The following ANO3 variants were observed in gnomAD, a reference collection of about 807,000 sequenced individuals.
The protein encoded by ANO3 is anoctamin 3, also known as anoctamin-3.
A neutral mutation model predicts 144.8 loss-of-function variants in ANO3; 99 were observed. That is an observed-to-expected ratio of 0.68 (90% CI 0.58 to 0.81). ANO3 has a LOEUF of 0.81. Among genes scored for constraint, ANO3 ranks in the 30% least tolerant of loss-of-function variants. The pLI is 0.00. For missense variants in ANO3, 905 were observed against 1,202.2 expected (o/e 0.75, Z 3.66); for synonymous variants, 414 against 392.6 (o/e 1.05, Z -0.64).
intron 4 of ANO3, among the ~76,000 whole-genome samples, chr11:26,493,550 A>G (rs939216491): frequency 6.6e-6 from 1 of 152,208 alleles, no homozygotes; most frequent in Non-Finnish European, 1.5e-5. Flanking sequence ...TTTCTGAACT[A>G]ATGCCCTAAC....
intron 1 of ANO3, among the ~76,000 whole-genome samples, chr11:26,350,072 G>A (rs766297339): frequency 1.4e-4 from 22 of 152,072 alleles, no homozygotes; most frequent in Non-Finnish European, 2.6e-4. Flanking sequence ...GGAGGAGACA[G>A]GAACGGAAGG....
At position 26,598,882 on chromosome 11, in the gene ANO3, G is replaced by A. The variant is rs767007924; in HGVS notation, c.1555G>A (p.Ala519Thr). 1.5e-5 allele frequency: 25 copies of A among 1,613,620 alleles called. No individual in the cohort carries two copies. Among genetic ancestry groups the A allele is most frequent in the Non-Finnish European group, 2.1e-5 (25 of 1,179,866 alleles). ...GGAAACACTTCGTCCCCAGTTTGAA[G>A]CCAAGTATTACAAGATGGAGATTGT... ...EEETLRPQFE[A>T]KYYKMEIVNP... The change falls in exon 16 of 27, where the codon GCC becomes ACC. Residue 519 changes from alanine to threonine, a missense_variant. Ala to Thr is a moderately conservative substitution (Grantham distance 58, BLOSUM62 0). This residue lies in a region of ANO3 where 597 missense variants were observed against 865.1 expected (regional missense o/e 0.69). Transcript: ENST00000256737.
In ANO3 at chr11:26,262,920, G is replaced by A. The variant is rs190346055; in HGVS notation, c.155-46725G>A. Among the ~76,000 whole-genome samples the A allele has an allele frequency of 3.9e-3, 594 of 152,186 alleles. 2 individuals carry two copies. The highest frequency in any genetic ancestry group is 0.01 in the Middle Eastern group (3 of 294). On this transcript the variant is annotated intron_variant, in intron 1 of 27. Coordinates refer to the ANO3 transcript ENST00000672621. ...TTGTTGTTTAAGCCACCCAGTCTAA[G>A]GTATTCTGTGGTAATAGCCCTAAAT...
intron 1 of ANO3, among the ~76,000 whole-genome samples, chr11:26,363,877 T>C (rs1462575490): frequency 6.6e-6 from 1 of 150,764 alleles, no homozygotes; most frequent in South Asian, 2.1e-4. Context: ...TATAGCAAAA[T>C]AAGAAGGAAC....
intron 4 of ANO3, among the ~76,000 whole-genome samples, chr11:26,504,177 G>A (rs1602941): frequency 0.92 from 139,522 of 152,248 alleles, 64,209 homozygotes; most frequent in Non-Finnish European, 0.96. Context: ...AACTAATTGC[G>A]GTGCTACTAT....
chr11:26,452,884 G>A (rs189917888), intron 3 of ANO3, among the ~76,000 whole-genome samples: 260 of 152,284 alleles, frequency 1.7e-3, no homozygotes, highest in African/African-American at 5.9e-3. Flanking sequence ...AGATCTCTCG[G>A]CAGAAACTCT....
chr11:26,262,625 T>A (rs1025221063), intron 1 of ANO3, among the ~76,000 whole-genome samples: 14 of 151,990 alleles, frequency 9.2e-5, no homozygotes, highest in African/African-American at 3.4e-4. Flanking sequence ...TAACACCCAA[T>A]GTAATGGTAT....
At chr11:26,519,126 C>G (rs1486688150) in intron 6 of ANO3, among the ~76,000 whole-genome samples, 1 of 152,118 alleles carries the variant, frequency 6.6e-6, no homozygotes, top group African/African-American at 2.4e-5. Flanking sequence ...AGCATCATAA[C>G]TGAATTTATG....
intron 1 of ANO3, among the ~76,000 whole-genome samples, chr11:26,381,844 C>T (rs1251539915): frequency 1.3e-5 from 2 of 152,074 alleles, no homozygotes; most frequent in Non-Finnish European, 1.5e-5. Flanking sequence ...GATGACTTCC[C>T]AGTAGAGCAA....
intron 1 of ANO3, among the ~76,000 whole-genome samples, chr11:26,281,231 A>T (rs1271819936): frequency 2.0e-5 from 3 of 152,196 alleles, no homozygotes; most frequent in African/African-American, 7.2e-5. Flanking sequence ...TATTGGCTTC[A>T]GAATGTGTAG....
At position 26,362,135 on chromosome 11, in the gene ANO3, TTGA is replaced by T. The variant is rs376827787; in HGVS notation, c.46+29818_46+29820del. Among the ~76,000 whole-genome samples the T allele has an allele frequency of 2.5e-3, 374 of 152,306 alleles. 2 individuals are homozygous for T. The highest frequency in any genetic ancestry group is 8.6e-3 in the African/African-American group (359 of 41,574). ...TCCTTATTTACTATGGTGATGGCTC[TTGA>T]TGAGTGAAATCGCACACTCATAATT... On this transcript the variant is annotated intron_variant, in intron 1 of 26. Transcript: ENST00000256737.
chr11:26,506,477 G>A (rs117686893), intron 4 of ANO3, among the ~76,000 whole-genome samples: 3,362 of 152,272 alleles, frequency 0.022, 63 homozygotes, highest in Non-Finnish European at 0.035. Context: ...TATTTGATAA[G>A]TGATAGCTAC....
rs10835033 is a variant in ANO3 at position 26,635,167 on chromosome 11, C to A, written c.2043+97C>A. 5.5e-6 allele frequency: 6 copies of A among 1,088,112 alleles called. No individual in the cohort carries two copies. In the African/African-American group the frequency reaches 6.2e-5, roughly 11 times the overall value. The allele number at this position is 1,088,112 out of a possible 1,614,324, so 67.4% of individuals were successfully genotyped here. Reference sequence around the variant, plus strand: ...CTGAAGAAAGGAGAAGTTCAGGGAACTTTATGGATATTGAAGACGACACAT... The same window carrying A: ...CTGAAGAAAGGAGAAGTTCAGGGAAATTTATGGATATTGAAGACGACACAT... On this transcript the variant is annotated intron_variant, in intron 20 of 26. Transcript: ENST00000256737.
chr11:26,472,445 A>G (rs1859816378), intron 4 of ANO3, among the ~76,000 whole-genome samples: 1 of 151,936 alleles, frequency 6.6e-6, no homozygotes, highest in South Asian at 2.1e-4. Flanking sequence ...GAAGGCTTAG[A>G]TGGCTACGTA....
At chr11:26,571,660 G>C (rs2134290523) in intron 14 of ANO3, among the ~76,000 whole-genome samples, 1 of 152,118 alleles carries the variant, frequency 6.6e-6, no homozygotes, top group Non-Finnish European at 1.5e-5. Flanking sequence ...TTAAATCTAA[G>C]ATTCAATTTA....
At chr11:26,645,166 T>C (rs1251842696) in intron 23 of ANO3, among the ~76,000 whole-genome samples, 2 of 152,156 alleles carry the variant, frequency 1.3e-5, no homozygotes, top group African/African-American at 4.8e-5. Context: ...ATTTAATTGT[T>C]GTTCATTTAA....
At position 26,501,028 on chromosome 11, in the gene ANO3, G is replaced by C. The variant is rs574859086; in HGVS notation, c.433-7076G>C. Among the ~76,000 whole-genome samples the C allele has an allele frequency of 4.6e-5, 7 of 152,168 alleles. 1 individual carries two copies. The South Asian group carries it at 1.5e-3, about 32-fold the overall frequency. On this transcript the variant is annotated intron_variant, in intron 4 of 26. Coordinates refer to ENST00000256737, the MANE Select transcript of ANO3 (RefSeq NM_031418.4). ...TTAACATTAAAAATTGCCATAAAAG[G>C]ATACAGAAAGTAAAAAATAAATTCC... is the stretch of plus-strand genomic sequence containing the variant.
chr11:26,247,340 C>T (rs1852820425), intron 1 of ANO3, among the ~76,000 whole-genome samples: 1 of 152,172 alleles, frequency 6.6e-6, no homozygotes. Context: ...AATATTTCAT[C>T]TTTCTCCAGT....
At chr11:26,406,774 A>G (rs1036689775) in intron 1 of ANO3, among the ~76,000 whole-genome samples, 2 of 144,956 alleles carry the variant, frequency 1.4e-5, no homozygotes, top group Non-Finnish European at 3.0e-5. Flanking sequence ...TGTATTGCCA[A>G]TTTTCTTGTT....
Sources: gnomAD v4.1 joint callset for allele counts (sites outside exome capture counted in the v4.1 genomes callset) on GRCh38, gnomAD v4.1.1 for gene constraint, gnomAD v4.1.1 regional missense constraint, MANE v1.5 for transcripts, NCBI Gene and HGNC (gene_info 2026-07-23, HGNC 2026-07-21) for gene names.